CHN1: variants seen among roughly 807,000 people sequenced by gnomAD.
CHN1 encodes the protein N-chimaerin.
CHN1 carries 37 observed loss-of-function variants against 59.5 expected under a neutral mutation model. That is an observed-to-expected ratio of 0.62 (90% CI 0.48 to 0.82). CHN1 has a LOEUF of 0.82. CHN1 is among the 40% of genes least tolerant of loss of function. The probability of loss-of-function intolerance (pLI) is 0.00; values close to 1 mark genes in which losing one functional copy is unlikely to be tolerated. For missense variants in CHN1, 469 were observed against 571.0 expected, an observed-to-expected ratio of 0.82 and a Z score of 1.82; for synonymous variants, 206 against 200.4, an observed-to-expected ratio of 1.03 and a Z score of -0.24.
At chr2:174,903,075 A>G (rs1688438116) in intron 5 of CHN1, among the ~76,000 whole-genome samples, 1 of 152,226 alleles carries the variant, frequency 6.6e-6, no homozygotes, top group African/African-American at 2.4e-5. Context: ...CCCTTGCTTA[A>G]TAGAATTTTA....
intron 6 of CHN1, among the ~76,000 whole-genome samples, chr2:174,848,143 T>G (rs1423641953): frequency 6.6e-6 from 1 of 152,194 alleles, no homozygotes; most frequent in Admixed American, 6.5e-5. Context: ...AGTTTTGTCT[T>G]TGTATTATGA....
intron 1 of CHN1, among the ~76,000 whole-genome samples, chr2:174,969,090 A>C (rs1283780576): frequency 6.6e-6 from 1 of 152,170 alleles, no homozygotes; most frequent in African/African-American, 2.4e-5. Context: ...AGTCTGAAAA[A>C]TCCTGCATTC....
chr2:174,943,284 T>C (rs1689726275), intron 3 of CHN1, among the ~76,000 whole-genome samples: 1 of 151,832 alleles, frequency 6.6e-6, no homozygotes, highest in Admixed American at 6.6e-5. Context: ...TGGAGTGCAG[T>C]GGTCCCATCT....
At chr2:174,998,554 T>C (rs1235110544) in intron 1 of CHN1, among the ~76,000 whole-genome samples, 2 of 151,890 alleles carry the variant, frequency 1.3e-5, no homozygotes, top group South Asian at 2.1e-4. Flanking sequence ...AGAGTCAGAG[T>C]GGAAAGAGAA....
chr2:174,973,996 G>A (rs1690841775), intron 1 of CHN1, among the ~76,000 whole-genome samples: 1 of 152,042 alleles, frequency 6.6e-6, no homozygotes, highest in South Asian at 2.1e-4. Context: ...ATACCTAGAG[G>A]TCTCAAGATA....
At chr2:174,800,624 A>G in intron 12 of CHN1, among the ~76,000 whole-genome samples, 1 of 152,172 alleles carries the variant, frequency 6.6e-6, no homozygotes, top group South Asian at 2.1e-4. Flanking sequence ...GAACTGGGTC[A>G]CCTTGATTTA....
intron 11 of CHN1, among the ~76,000 whole-genome samples, chr2:174,802,457 A>G (rs1684756974): frequency 6.6e-6 from 1 of 152,250 alleles, no homozygotes; most frequent in Non-Finnish European, 1.5e-5. Flanking sequence ...AGAAGAATGC[A>G]CGGCAGACTT....
At chr2:174,932,702 T>C (rs1302900844) in intron 3 of CHN1, among the ~76,000 whole-genome samples, 1 of 152,182 alleles carries the variant, frequency 6.6e-6, no homozygotes, top group African/African-American at 2.4e-5. Context: ...GTGCTGTTTT[T>C]GTAATAGAGT....
At chr2:174,859,016 A>C (rs1686991437) in intron 6 of CHN1, among the ~76,000 whole-genome samples, 1 of 151,506 alleles carries the variant, frequency 6.6e-6, no homozygotes, top group Non-Finnish European at 1.5e-5. Flanking sequence ...ACACACACAA[A>C]ACCAAACAAA....
rs1441049941 is a variant in CHN1 at position 175,005,316 on chromosome 2, C to T, written c.-404G>A. On this transcript the variant is annotated 5_prime_UTR_variant, in exon 1 of 13. Transcript: ENST00000409900. ...AGCAGCAGCAGCCTCGCACAGCCCC[C>T]GGCGGGGCGCGCTCACTCCGCATCC... is the stretch of plus-strand genomic sequence containing the variant. 1.7e-6 allele frequency: 2 copies of T among 1,183,150 alleles called. No individual in the cohort carries two copies. Among genetic ancestry groups the T allele is most frequent in the Non-Finnish European group, 1.1e-6 (1 of 937,944 alleles). The allele number at this position is 1,183,150 out of a possible 1,614,324, so 73.3% of individuals were successfully genotyped here. A position where few individuals can be genotyped will look rare whatever the true frequency, so the allele number is the denominator to read the frequency against.
chr2:174,884,357 TG>T (rs901101250), intron 5 of CHN1, among the ~76,000 whole-genome samples: 1 of 151,940 alleles, frequency 6.6e-6, no homozygotes, highest in Non-Finnish European at 1.5e-5. Context: ...TTTATTATAA[TG>T]GAAGAACACA....
At chr2:174,833,721 T>G (rs1292308133) in intron 7 of CHN1, among the ~76,000 whole-genome samples, 1 of 152,232 alleles carries the variant, frequency 6.6e-6, no homozygotes, top group East Asian at 1.9e-4. Context: ...ATATTTCTTA[T>G]GACTCCATTT....
At chr2:174,892,635 A>T (rs1176292470) in intron 5 of CHN1, among the ~76,000 whole-genome samples, 1 of 152,220 alleles carries the variant, frequency 6.6e-6, no homozygotes, top group East Asian at 1.9e-4. Context: ...CATTACTGTG[A>T]TACCAAAGCC....
intron 3 of CHN1, among the ~76,000 whole-genome samples, chr2:174,920,740 G>T (rs1436608106): frequency 1.3e-5 from 2 of 152,178 alleles, no homozygotes; most frequent in Admixed American, 1.3e-4. Flanking sequence ...CCAGGGACTG[G>T]TTTTGTGGAA....
chr2:174,946,494 G>A lies in CHN1; in HGVS notation c.59-1551C>T, dbSNP rs72923167. ...TATTCCTTTACCTTTTTCTCCTGATGGCAAAAATCCCTAAGAGAGGTAATA... is the reference window on the plus strand; with the variant it reads ...TATTCCTTTACCTTTTTCTCCTGATAGCAAAAATCCCTAAGAGAGGTAATA... On this transcript the variant is annotated intron_variant, in intron 2 of 12. Transcript: ENST00000409900. Among the ~76,000 whole-genome samples the A allele has an allele frequency of 9.4e-3, 1,427 of 152,076 alleles. 17 individuals carry two copies. Among genetic ancestry groups the A allele is most frequent in the Non-Finnish European group, 0.016 (1,071 of 67,966 alleles).
At chr2:174,977,087 A>G (rs955497742) in intron 1 of CHN1, among the ~76,000 whole-genome samples, 1 of 152,140 alleles carries the variant, frequency 6.6e-6, no homozygotes, top group Non-Finnish European at 1.5e-5. Context: ...ACCTTAGACA[A>G]CTAGGTTGGC....
intron 5 of CHN1, among the ~76,000 whole-genome samples, chr2:174,887,323 A>C (rs958220565): frequency 6.6e-6 from 1 of 152,140 alleles, no homozygotes; most frequent in African/African-American, 2.4e-5. Flanking sequence ...ACATAACAAT[A>C]GTTACCACTT....
chr2:174,876,683 CA>C (rs1307959776), intron 6 of CHN1, among the ~76,000 whole-genome samples: 1 of 152,162 alleles, frequency 6.6e-6, no homozygotes, highest in Non-Finnish European at 1.5e-5. Context: ...GAGCTGGACA[CA>C]AACTTTCTTA....
At chr2:174,950,774 G>A (rs1429564975) in intron 2 of CHN1, among the ~76,000 whole-genome samples, 1 of 145,354 alleles carries the variant, frequency 6.9e-6, no homozygotes, top group Admixed American at 6.8e-5. Context: ...AAAATGCAGA[G>A]AAGTTTTTTT....
Sources: gnomAD v4.1 joint callset for allele counts (sites outside exome capture counted in the v4.1 genomes callset) on GRCh38, gnomAD v4.1.1 for gene constraint, MANE v1.5 for transcripts, NCBI Gene and HGNC (gene_info 2026-07-23, HGNC 2026-07-21) for gene names.